STXBP4: variants seen among roughly 807,000 people sequenced by gnomAD.
The protein encoded by STXBP4 is syntaxin binding protein 4.
STXBP4 carries 55 observed loss-of-function variants against 76.1 expected under a neutral mutation model. The ratio of observed to expected loss-of-function variants is 0.72; its 90% CI spans 0.58 to 0.91. The LOEUF is 0.91. Ranked by LOEUF, STXBP4 falls within the 40% of genes least tolerant of loss-of-function variation. The pLI, the probability that STXBP4 is intolerant of heterozygous loss-of-function variation, is 0.00. For synonymous variants in STXBP4, 201 were observed against 220.2 expected (o/e 0.91, Z 0.77); for missense variants, 618 against 636.9 (o/e 0.97, Z 0.32).
intron 16 of STXBP4, among the ~76,000 whole-genome samples, chr17:55,132,063 T>C (rs185684331): frequency 2.3e-4 from 35 of 152,342 alleles, no homozygotes; most frequent in Admixed American, 1.8e-3. Flanking sequence ...CTTTGTGTAC[T>C]GAAATAAATT....
intron 3 of STXBP4, among the ~76,000 whole-genome samples, chr17:54,987,967 A>G (rs2077651170): frequency 6.6e-6 from 1 of 152,182 alleles, no homozygotes; most frequent in Non-Finnish European, 1.5e-5. Context: ...GAGCAGAACT[A>G]TTTTTAATAC....
intron 8 of STXBP4, among the ~76,000 whole-genome samples, chr17:55,020,829 A>G (rs1484090181): frequency 6.6e-6 from 1 of 152,226 alleles, no homozygotes; most frequent in Non-Finnish European, 1.5e-5. Flanking sequence ...GAAAATAAAA[A>G]TTAAATTTAA....
chr17:55,016,648 C>T (rs1305389049), intron 8 of STXBP4, among the ~76,000 whole-genome samples: 2 of 152,180 alleles, frequency 1.3e-5, no homozygotes, highest in African/African-American at 4.8e-5. Context: ...CCTCAATCAC[C>T]TGGAAGGAAC....
intron 3 of STXBP4, among the ~76,000 whole-genome samples, chr17:54,987,150 G>A (rs1045556282): frequency 2.6e-5 from 4 of 152,182 alleles, no homozygotes; most frequent in African/African-American, 9.7e-5. Flanking sequence ...CAAGATGCAT[G>A]CAGACAGGAA....
chr17:55,043,562 C>T (rs990390055), intron 11 of STXBP4: 1 of 1,472,134 alleles, frequency 6.8e-7, no homozygotes. Flanking sequence ...GGTTTTTGCT[C>T]ATGTCTTCTG....
At chr17:55,053,378 A>G (rs1045147513) in intron 12 of STXBP4, among the ~76,000 whole-genome samples, 7 of 152,156 alleles carry the variant, frequency 4.6e-5, no homozygotes, top group Non-Finnish European at 1.0e-4. Flanking sequence ...ATTTATACAC[A>G]TATATGTAAT....
intron 8 of STXBP4, among the ~76,000 whole-genome samples, chr17:55,020,502 T>G (rs1854863900): frequency 6.6e-6 from 1 of 152,186 alleles, no homozygotes; most frequent in African/African-American, 2.4e-5. Flanking sequence ...TCATATTCCC[T>G]CATATGTTGT....
the STXBP4 span, among the ~76,000 whole-genome samples, chr17:55,211,758 C>G: frequency 1.3e-5 from 2 of 148,644 alleles, no homozygotes; most frequent in Admixed American, 1.3e-4. Flanking sequence ...CATGCTGAAC[C>G]TACAAATTAG....
At chr17:55,030,044 T>C (rs1423091119) in intron 8 of STXBP4, among the ~76,000 whole-genome samples, 2 of 152,206 alleles carry the variant, frequency 1.3e-5, no homozygotes, top group Non-Finnish European at 2.9e-5. Context: ...CCATATCCAA[T>C]AATAGGACAT....
chr17:54,969,058 G>A (rs1159417599), intron 1 of STXBP4, among the ~76,000 whole-genome samples: 2 of 152,148 alleles, frequency 1.3e-5, no homozygotes, highest in East Asian at 3.9e-4. Flanking sequence ...TCACTGCCCT[G>A]GACTTAGTTC....
At chr17:55,059,272 A>G (rs994215213) in intron 12 of STXBP4, among the ~76,000 whole-genome samples, 1 of 152,138 alleles carries the variant, frequency 6.6e-6, no homozygotes, top group Non-Finnish European at 1.5e-5. Context: ...GTGTGTACAT[A>G]TTGGTGTGTA....
At chr17:55,030,465 C>A (rs982701362) in intron 8 of STXBP4, among the ~76,000 whole-genome samples, 2 of 152,086 alleles carry the variant, frequency 1.3e-5, no homozygotes, top group Non-Finnish European at 2.9e-5. Flanking sequence ...GTTACATGGC[C>A]GCATGGAGAT....
At chr17:55,100,392 T>C (rs1375929231) in intron 16 of STXBP4, among the ~76,000 whole-genome samples, 1 of 152,196 alleles carries the variant, frequency 6.6e-6, no homozygotes, top group Admixed American at 6.6e-5. Flanking sequence ...GTACAATTAC[T>C]TATAGCCTCA....
chr17:54,996,990 G>A (rs996505738), intron 4 of STXBP4, among the ~76,000 whole-genome samples: 1 of 152,182 alleles, frequency 6.6e-6, no homozygotes, highest in African/African-American at 2.4e-5. Context: ...CAGATCTGAA[G>A]TTCAGCATAT....
intron 8 of STXBP4, among the ~76,000 whole-genome samples, chr17:55,008,245 G>A (rs1168574897): frequency 1.3e-5 from 2 of 151,730 alleles, no homozygotes; most frequent in Admixed American, 1.3e-4. Flanking sequence ...ATATACTGCT[G>A]AAAGACCACA....
intron 16 of STXBP4, among the ~76,000 whole-genome samples, chr17:55,118,640 G>A (rs535255373): frequency 1.4e-4 from 22 of 151,902 alleles, no homozygotes; most frequent in Middle Eastern, 3.4e-3. Flanking sequence ...GATCACCTAG[G>A]AGGAAAGTAC....
At chr17:55,055,136 A>G (rs1458193897) in intron 12 of STXBP4, among the ~76,000 whole-genome samples, 1 of 152,180 alleles carries the variant, frequency 6.6e-6, no homozygotes, top group South Asian at 2.1e-4. Flanking sequence ...TAGTTTTGAC[A>G]TGTATTCTTT....
At chr17:55,090,761 G>A (rs2079401559) in intron 16 of STXBP4, among the ~76,000 whole-genome samples, 1 of 151,966 alleles carries the variant, frequency 6.6e-6, no homozygotes, top group Admixed American at 6.6e-5. Context: ...GTGGACTTCA[G>A]GATCAAGATA....
chr17:55,142,854 T>C (rs534777629), intron 17 of STXBP4, among the ~76,000 whole-genome samples: 1 of 152,264 alleles, frequency 6.6e-6, no homozygotes, highest in Admixed American at 6.5e-5. Flanking sequence ...GACCCAGGAA[T>C]TCCATGTGCA....
Sources: allele counts gnomAD v4.1 joint callset (sites outside exome capture counted in the v4.1 genomes callset), GRCh38; gene constraint gnomAD v4.1.1; transcripts MANE v1.5; gene names NCBI Gene and HGNC (gene_info 2026-07-23, HGNC 2026-07-21).